Variants in SPATA16 observed in about 807,000 individuals in gnomAD.
The protein encoded by SPATA16 is spermatogenesis-associated protein 16.
SPATA16 carries 36 observed loss-of-function variants against 63.3 expected under a neutral mutation model. That is an observed-to-expected ratio of 0.57 (90% CI 0.44 to 0.75). The LOEUF is 0.75. Among genes scored for constraint, SPATA16 ranks in the 30% least tolerant of loss-of-function variants. The pLI, the probability that SPATA16 is intolerant of heterozygous loss-of-function variation, is 0.00. For missense variants in SPATA16, 646 were observed against 679.3 expected (o/e 0.95, Z 0.54); for synonymous variants, 203 against 216.7 (o/e 0.94, Z 0.56).
chr3:172,923,059 A>C (rs1168576130), intron 8 of SPATA16, among the ~76,000 whole-genome samples: 1 of 152,232 alleles, frequency 6.6e-6, no homozygotes, highest in African/African-American at 2.4e-5. Flanking sequence ...CCATGCACGG[A>C]TGAGATGAAA....
chr3:173,011,246 T>C (rs914733231), intron 4 of SPATA16, among the ~76,000 whole-genome samples: 1 of 152,180 alleles, frequency 6.6e-6, no homozygotes, highest in Non-Finnish European at 1.5e-5. Context: ...GGGTACAAGG[T>C]TGATTCAACA....
chr3:173,066,019 G>A (rs1292654554), intron 2 of SPATA16, among the ~76,000 whole-genome samples: 5 of 152,148 alleles, frequency 3.3e-5, no homozygotes, highest in African/African-American at 1.2e-4. Flanking sequence ...TGGTAGTCAA[G>A]GGAATGCCTG....
chr3:172,901,804 A>G (rs541710893), intron 10 of SPATA16, among the ~76,000 whole-genome samples: 2 of 152,088 alleles, frequency 1.3e-5, no homozygotes, highest in Non-Finnish European at 2.9e-5. Context: ...GAGGGTAGGA[A>G]TATCTTATCA....
intron 5 of SPATA16, among the ~76,000 whole-genome samples, chr3:172,975,187 T>G (rs1229065498): frequency 6.6e-6 from 1 of 152,136 alleles, no homozygotes; most frequent in Non-Finnish European, 1.5e-5. Context: ...GAAGGAGGCA[T>G]GTCTCACATG....
chr3:173,064,044 T>A (rs532006272), intron 2 of SPATA16, among the ~76,000 whole-genome samples: 44 of 152,294 alleles, frequency 2.9e-4, no homozygotes, highest in African/African-American at 1.1e-3. Flanking sequence ...CAGTGGCTCA[T>A]GCCTGTAATC....
intron 4 of SPATA16, among the ~76,000 whole-genome samples, chr3:172,996,023 A>G (rs1194465301): frequency 6.6e-6 from 1 of 152,004 alleles, no homozygotes; most frequent in Non-Finnish European, 1.5e-5. Context: ...AGTCTCTCCA[A>G]TCTTTGACAT....
intron 1 of SPATA16, among the ~76,000 whole-genome samples, chr3:173,129,035 T>C (rs1470244322): frequency 1.3e-5 from 2 of 152,264 alleles, no homozygotes; most frequent in Non-Finnish European, 2.9e-5. Context: ...ATGGCTACTC[T>C]CTTGAAAAAT....
chr3:173,108,504 A>G (rs1737672290), intron 2 of SPATA16, among the ~76,000 whole-genome samples: 1 of 152,166 alleles, frequency 6.6e-6, no homozygotes, highest in Admixed American at 6.5e-5. Context: ...TCCATAGTCA[A>G]CCTGGGATTG....
At position 173,049,109 on chromosome 3, in the gene SPATA16, G is replaced by A. The variant is rs1736022568; in HGVS notation, c.613-15C>T. On this transcript the variant is annotated splice_polypyrimidine_tract_variant and intron_variant, in intron 2 of 10. Coordinates refer to ENST00000351008, the MANE Select transcript of SPATA16 (RefSeq NM_031955.6). ...TTGCTGCAAAGCTTTAAAAAATATA[G>A]TACTTTCAACATCTTAATAATCTTT... 6.2e-7 allele frequency: 1 copy of A among 1,602,564 alleles called. No homozygotes were observed.
chr3:172,922,658 T>C (rs972686809), intron 8 of SPATA16, among the ~76,000 whole-genome samples: 1 of 152,184 alleles, frequency 6.6e-6, no homozygotes. Context: ...TGGTAGCTTA[T>C]GCCTGTAATC....
chr3:173,045,016 G>C (rs1477005043), intron 3 of SPATA16, among the ~76,000 whole-genome samples: 3 of 152,038 alleles, frequency 2.0e-5, no homozygotes, highest in Non-Finnish European at 4.4e-5. Flanking sequence ...AAGCACTGCA[G>C]GTCACCTAAG....
intron 2 of SPATA16, 135 bp downstream of exon 2, chr3:173,116,985 A>C: frequency 1.0e-6 from 1 of 964,392 alleles, no homozygotes; most frequent in Non-Finnish European, 1.6e-6. Flanking sequence ...TGGGAACTGC[A>C]AAATCCTAAT....
intron 8 of SPATA16, among the ~76,000 whole-genome samples, chr3:172,922,817 G>T (rs1577090450): frequency 6.6e-6 from 1 of 152,294 alleles, no homozygotes; most frequent in East Asian, 1.9e-4. Context: ...GGCTACTCTG[G>T]AGGCTGAGGC....
chr3:172,990,815 T>G (rs1179805012), intron 4 of SPATA16, among the ~76,000 whole-genome samples: 2 of 152,140 alleles, frequency 1.3e-5, no homozygotes, highest in Admixed American at 1.3e-4. Context: ...AAGAAGCAGG[T>G]CTAGGTGAAC....
intron 1 of SPATA16, among the ~76,000 whole-genome samples, chr3:173,119,873 A>G (rs1308333727): frequency 1.5e-5 from 2 of 133,170 alleles, no homozygotes; most frequent in African/African-American, 5.0e-5. Flanking sequence ...GGATCATCTG[A>G]GGTCAAGAGT....
intron 10 of SPATA16, among the ~76,000 whole-genome samples, chr3:172,912,265 T>C (rs1039557678): frequency 1.3e-5 from 2 of 152,230 alleles, no homozygotes; most frequent in African/African-American, 2.4e-5. Flanking sequence ...TTTGTTTCCA[T>C]AGATCATTGA....
At chr3:173,064,320 C>CAAAAAAA (rs59773490) in intron 2 of SPATA16, among the ~76,000 whole-genome samples, 1,384 of 57,550 alleles carry the variant, frequency 0.024, 91 homozygotes, top group African/African-American at 0.09. Flanking sequence ...ACACGCACAC[C>CAAAAAAA]AAAAAAAAAA....
intron 4 of SPATA16, among the ~76,000 whole-genome samples, chr3:173,006,520 A>G (rs1390557469): frequency 6.6e-6 from 1 of 152,240 alleles, no homozygotes; most frequent in East Asian, 1.9e-4. Flanking sequence ...GTGAATAAGA[A>G]CTAAGTTAAA....
intron 2 of SPATA16, among the ~76,000 whole-genome samples, chr3:173,059,313 T>C (rs1365394213): frequency 6.6e-6 from 1 of 150,964 alleles, no homozygotes; most frequent in Non-Finnish European, 1.5e-5. Context: ...CTTAGGTTTT[T>C]GTTTTCTTAG....
Sources: allele counts gnomAD v4.1 joint callset (sites outside exome capture counted in the v4.1 genomes callset), GRCh38; gene constraint gnomAD v4.1.1; transcripts MANE v1.5; gene names NCBI Gene and HGNC (gene_info 2026-07-23, HGNC 2026-07-21).